MRE11: variants seen among roughly 807,000 people sequenced by gnomAD.
MRE11 encodes the protein double-strand break repair protein MRE11.
MRE11 carries 62 observed loss-of-function variants against 91.7 expected under a neutral mutation model. The observed-to-expected ratio is 0.68, with a 90% CI of 0.55 to 0.84. MRE11 has a LOEUF of 0.84. MRE11 is among the 40% of genes least tolerant of loss of function. The pLI is 0.00. For synonymous variants in MRE11, 273 were observed against 271.4 expected, an observed-to-expected ratio of 1.01 and a Z score of -0.06; for missense variants, 796 against 852.9, an observed-to-expected ratio of 0.93 and a Z score of 0.83.
In MRE11 at chr11:94,437,242, T is replaced by C. The variant is rs761270600; in HGVS notation, c.1868-7A>G. 1.9e-5 allele frequency: 30 copies of C among 1,611,550 alleles called. No homozygotes were observed. The East Asian group carries it at 5.1e-4, about 28-fold the overall frequency. On this transcript the variant is annotated splice_region_variant and splice_polypyrimidine_tract_variant and intron_variant, in intron 16 of 19. Coordinates refer to ENST00000323929, the MANE Select transcript of MRE11 (RefSeq NM_005591.4). Reference sequence around the variant, plus strand: ...TGTCTTGTAGATTTAAAGGCTAGAATGAAAAAGATGAAATGTGCATTATGT... The same window carrying C: ...TGTCTTGTAGATTTAAAGGCTAGAACGAAAAAGATGAAATGTGCATTATGT...
At chr11:94,496,949 C>T (rs767511021), upstream of MRE11, 10 of 1,611,994 alleles carry the variant, frequency 6.2e-6, no homozygotes, top group South Asian at 4.4e-5. Context: ...TGAAAAAAAT[C>T]GGGTAAAAAA....
intron 13 of MRE11, among the ~76,000 whole-genome samples, chr11:94,456,999 C>T (rs1306685001): frequency 1.3e-5 from 2 of 152,092 alleles, no homozygotes; most frequent in East Asian, 3.9e-4. Flanking sequence ...ACTGAGAATA[C>T]AGTTATTAAC....
At chr11:94,446,680 G>A (rs1340518789) in intron 15 of MRE11, among the ~76,000 whole-genome samples, 1 of 152,184 alleles carries the variant, frequency 6.6e-6, no homozygotes, top group Non-Finnish European at 1.5e-5. Flanking sequence ...AATGACAATA[G>A]TCTCACAGTA....
chr11:94,466,405 T>C lies in MRE11; in HGVS notation c.1098+1408A>G, dbSNP rs200367125. The C allele has an allele frequency of 9.9e-4, 482 of 484,694 alleles. No individual in the cohort carries two copies. The highest frequency in any genetic ancestry group is 2.2e-3 in the Middle Eastern group (3 of 1,368). 30.0% of individuals were successfully genotyped at this position (484,694 alleles called of 1,614,324 possible). ...GGAAGTATTAATAAGGGCTTCACTA[T>C]GCCAGCGACAGTGGGATAAAGAAAC... On this transcript the variant is annotated intron_variant, in intron 10 of 19. Coordinates refer to ENST00000323929, the MANE Select transcript of MRE11 (RefSeq NM_005591.4).
rs202220495 is a variant in MRE11, at chr11:94,467,911, G to C, written c.1018-18C>G. ...TCTTCAATCTCAAAATTTTTAAAAA[G>C]ATTAAAAAACAACGTAGTAAACTGA... On this transcript the variant is annotated intron_variant, in intron 9 of 19. Coordinates refer to ENST00000323929, the MANE Select transcript of MRE11 (RefSeq NM_005591.4). The C allele has an allele frequency of 1.4e-5, 22 of 1,606,476 alleles. No individual in the cohort carries two copies. The highest frequency in any genetic ancestry group is 1.7e-5 in the Non-Finnish European group (20 of 1,173,880).
Position 94,470,659 on chromosome 11 carries a change from T to G in MRE11, c.846-17A>C. 6.2e-7 allele frequency: 1 copy of G among 1,612,292 alleles called. No individual in the cohort carries two copies. Among genetic ancestry groups the G allele is most frequent in the Non-Finnish European group, 8.5e-7 (1 of 1,178,714 alleles). On this transcript the variant is annotated splice_polypyrimidine_tract_variant and intron_variant, in intron 8 of 19. Coordinates refer to ENST00000323929, the MANE Select transcript of MRE11 (RefSeq NM_005591.4). The stretch of plus-strand genomic sequence containing the variant: ...CCAACATGTCTGAAGTGGAGAGAAA[T>G]GAACACCGAGTCACAGTGTAAATTT...
chr11:94,509,374 A>G, the MRE11 span, among the ~76,000 whole-genome samples: 19 of 151,908 alleles, frequency 1.3e-4, no homozygotes, highest in Admixed American at 1.2e-3. Flanking sequence ...ATTTTTCTCT[A>G]TTGACCATGT....
intron 4 of MRE11, among the ~76,000 whole-genome samples, chr11:94,482,982 A>C (rs1204544894): frequency 2.0e-5 from 3 of 152,222 alleles, no homozygotes; most frequent in Non-Finnish European, 4.4e-5. Context: ...TTTAGATTTG[A>C]ATAGAAGGAG....
At chr11:94,454,274 A>G (rs1156659146) in intron 14 of MRE11, among the ~76,000 whole-genome samples, 1 of 151,064 alleles carries the variant, frequency 6.6e-6, no homozygotes, top group Non-Finnish European at 1.5e-5. Context: ...GGGTTTTGCC[A>G]TGTTGCCCAG....
chr11:94,497,144 TTATC>T, upstream of MRE11: 1 of 685,918 alleles, frequency 1.5e-6, no homozygotes. Flanking sequence ...TTAAGGATAA[TTATC>T]TATAAAGATA....
upstream of MRE11, chr11:94,498,386 G>A (rs749909369): frequency 1.2e-6 from 2 of 1,613,318 alleles, no homozygotes; most frequent in Non-Finnish European, 1.7e-6. Flanking sequence ...GGATACCCTA[G>A]AACTCCTCCT....
chr11:94,483,901 C>T (rs771901981), intron 4 of MRE11: 3 of 152,124 alleles, frequency 2.0e-5, no homozygotes, highest in Non-Finnish European at 4.4e-5. Flanking sequence ...TGTCTATTCT[C>T]ATGGGTTAGT....
chr11:94,426,053 T>A (rs72980410), intron 19 of MRE11, among the ~76,000 whole-genome samples: 2 of 152,272 alleles, frequency 1.3e-5, no homozygotes, highest in African/African-American at 4.8e-5. Context: ...ACAGAACATA[T>A]TCTAAGATAG....
chr11:94,481,700 C>A (rs1947017397), intron 4 of MRE11, among the ~76,000 whole-genome samples: 1 of 152,166 alleles, frequency 6.6e-6, no homozygotes, highest in African/African-American at 2.4e-5. Context: ...TACTCAATTC[C>A]TACATGTATT....
chr11:94,498,123 G>C (rs760724994), upstream of MRE11: 1 of 1,614,000 alleles, frequency 6.2e-7, no homozygotes, highest in South Asian at 1.1e-5. Flanking sequence ...GTGAACACTA[G>C]GGATGAAGAT....
intron 2 of MRE11, among the ~76,000 whole-genome samples, chr11:94,491,355 C>T (rs1322751790): frequency 6.6e-6 from 1 of 152,132 alleles, no homozygotes; most frequent in Non-Finnish European, 1.5e-5. Flanking sequence ...AAAAAGCCTT[C>T]CTCTAAGTTT....
chr11:94,443,629 C>A (rs1945844991), intron 16 of MRE11, among the ~76,000 whole-genome samples: 2 of 152,180 alleles, frequency 1.3e-5, no homozygotes, highest in Non-Finnish European at 2.9e-5. Context: ...CATCCATCCC[C>A]ATTGGGCCAG....
chr11:94,421,021 G>C (rs1272743), intron 19 of MRE11, among the ~76,000 whole-genome samples: 46,362 of 150,030 alleles, frequency 0.31, 7,425 homozygotes, highest in Middle Eastern at 0.43. Flanking sequence ...GACAGAGCGA[G>C]AGACTCCATC....
At chr11:94,427,629 C>T (rs756992716) in intron 19 of MRE11, among the ~76,000 whole-genome samples, 2 of 152,072 alleles carry the variant, frequency 1.3e-5, no homozygotes, top group Non-Finnish European at 2.9e-5. Flanking sequence ...GATTCTGTAC[C>T]TGGAAAACCC....
Sources: allele counts gnomAD v4.1 joint callset (sites outside exome capture counted in the v4.1 genomes callset), GRCh38; gene constraint gnomAD v4.1.1; transcripts MANE v1.5; gene names NCBI Gene and HGNC (gene_info 2026-07-23, HGNC 2026-07-21).